ASAP1: variants seen among roughly 807,000 people sequenced by gnomAD.
The protein encoded by ASAP1 is arf-GAP with SH3 domain, ANK repeat and PH domain-containing protein 1.
In ASAP1, 43 loss-of-function variants were observed where a neutral mutation model predicts 145.2. The observed-to-expected ratio is 0.30, with a 90% CI of 0.23 to 0.38. The LOEUF is 0.38. Ranked by LOEUF, ASAP1 falls within the 10% of genes least tolerant of loss-of-function variation. The pLI is 1.00. For missense variants in ASAP1, 1,018 were observed against 1,355.3 expected, an observed-to-expected ratio of 0.75 and a Z score of 3.91; for synonymous variants, 546 against 515.5, an observed-to-expected ratio of 1.06 and a Z score of -0.80.
At chr8:130,153,359 G>GTATATATATATATATATATATATGTATA (rs2097651386) in intron 12 of ASAP1, among the ~76,000 whole-genome samples, 20 of 28,922 alleles carry the variant, frequency 6.9e-4, no homozygotes, top group Non-Finnish European at 1.4e-3. Context: ...ATATATATAT[G>GTATATATATATATATATATATATGTATA]TATATATATA....
chr8:130,357,766 T>C (rs1303881902), intron 3 of ASAP1, among the ~76,000 whole-genome samples: 1 of 152,198 alleles, frequency 6.6e-6, no homozygotes, highest in African/African-American at 2.4e-5. Flanking sequence ...CTGTCCTCCC[T>C]GGAGTGTCCA....
At chr8:130,089,689 A>C (rs1401971457) in intron 25 of ASAP1, among the ~76,000 whole-genome samples, 2 of 152,212 alleles carry the variant, frequency 1.3e-5, no homozygotes, top group Non-Finnish European at 2.9e-5. Flanking sequence ...AAGCACTAGG[A>C]GCAGAGCAAC....
At chr8:130,118,386 C>A in intron 19 of ASAP1, 103 bp downstream of exon 19, 2 of 1,376,222 alleles carry the variant, frequency 1.5e-6, no homozygotes, top group South Asian at 2.7e-5. Flanking sequence ...CATGGCCACC[C>A]AATGTATAAG....
At chr8:130,214,947 CT>C (rs1816805971) in intron 4 of ASAP1, among the ~76,000 whole-genome samples, 1 of 152,018 alleles carries the variant, frequency 6.6e-6, no homozygotes, top group African/African-American at 2.4e-5. Flanking sequence ...GTCTCCCAGG[CT>C]GGAGTGCAAT....
chr8:130,230,114 C>T (rs547030730), intron 4 of ASAP1, among the ~76,000 whole-genome samples: 3 of 152,150 alleles, frequency 2.0e-5, no homozygotes, highest in African/African-American at 7.2e-5. Flanking sequence ...ACACCAACCC[C>T]AAACTAGCGG....
intron 3 of ASAP1, among the ~76,000 whole-genome samples, chr8:130,300,173 G>GAGAGAGAGAGAC (rs1822565336): frequency 6.8e-6 from 1 of 147,968 alleles, no homozygotes; most frequent in Admixed American, 6.7e-5. Flanking sequence ...GAGAGAGAGA[G>GAGAGAGAGAGAC]AGAGAGAGAG....
chr8:130,386,652 C>T (rs920494890), intron 2 of ASAP1: 1 of 152,252 alleles, frequency 6.6e-6, no homozygotes, highest in African/African-American at 2.4e-5. Context: ...TCTGCAGAAA[C>T]AGTTAGAAGC....
intron 11 of ASAP1, chr8:130,160,744 A>T: frequency 8.2e-7 from 1 of 1,221,880 alleles, no homozygotes; most frequent in Non-Finnish European, 1.1e-6. Context: ...CTTTAGACAT[A>T]CAAGTAGGAC....
chr8:130,217,254 T>C (rs1816984069), intron 4 of ASAP1, among the ~76,000 whole-genome samples: 1 of 152,168 alleles, frequency 6.6e-6, no homozygotes, highest in African/African-American at 2.4e-5. Flanking sequence ...ATGCATAGTA[T>C]TTACATAATG....
intron 1 of ASAP1, among the ~76,000 whole-genome samples, chr8:130,442,981 T>C (rs1042355100): frequency 6.6e-6 from 1 of 152,104 alleles, no homozygotes; most frequent in Admixed American, 6.5e-5. Context: ...TTTAGGCAAG[T>C]GGCCTGGGGC....
intron 1 of ASAP1, among the ~76,000 whole-genome samples, chr8:130,407,832 T>C (rs1167804425): frequency 2.0e-5 from 3 of 152,216 alleles, no homozygotes; most frequent in African/African-American, 7.2e-5. Flanking sequence ...TCCACGAATG[T>C]TGGGATTTGT....
chr8:130,340,887 A>G (rs548715567), intron 3 of ASAP1: 49 of 456,158 alleles, frequency 1.1e-4, no homozygotes, highest in African/African-American at 6.0e-4. Flanking sequence ...GAGGCTGACC[A>G]ATCATTGCGA....
At chr8:130,245,928 T>C (rs1175338597) in intron 3 of ASAP1, among the ~76,000 whole-genome samples, 1 of 152,168 alleles carries the variant, frequency 6.6e-6, no homozygotes, top group Non-Finnish European at 1.5e-5. Flanking sequence ...AAATATTCAC[T>C]ATCTAATCGC....
At chr8:130,280,802 T>G (rs1821201852) in intron 3 of ASAP1, among the ~76,000 whole-genome samples, 1 of 152,208 alleles carries the variant, frequency 6.6e-6, no homozygotes, top group East Asian at 1.9e-4. Flanking sequence ...CAGTTTTTAT[T>G]GAAATTTAAA....
intron 3 of ASAP1, among the ~76,000 whole-genome samples, chr8:130,284,842 T>TAC (rs34799517): frequency 0.095 from 13,387 of 141,482 alleles, 864 homozygotes; most frequent in African/African-American, 0.19. Context: ...TTTTACACTC[T>TAC]ACACACACAC....
At chr8:130,409,503 A>AGC (rs892166531) in intron 1 of ASAP1, among the ~76,000 whole-genome samples, 4 of 152,088 alleles carry the variant, frequency 2.6e-5, no homozygotes, top group African/African-American at 4.8e-5. Context: ...CTCCCTGGCC[A>AGC]GCATGCATGT....
chr8:130,428,430 T>C (rs368757728), intron 1 of ASAP1, among the ~76,000 whole-genome samples: 3 of 104,828 alleles, frequency 2.9e-5, no homozygotes, highest in Admixed American at 9.6e-5. Flanking sequence ...ACCATCATCA[T>C]CATCACCACC....
chr8:130,142,429 AAG>A (rs1307821263), intron 13 of ASAP1, among the ~76,000 whole-genome samples: 17 of 152,228 alleles, frequency 1.1e-4, no homozygotes, highest in African/African-American at 4.1e-4. Flanking sequence ...AATTGGGGAA[AAG>A]AGAAATTTTA....
chr8:130,144,345 T>A (rs2097621717), intron 13 of ASAP1, among the ~76,000 whole-genome samples: 1 of 152,216 alleles, frequency 6.6e-6, no homozygotes, highest in Admixed American at 6.5e-5. Flanking sequence ...ATGAATTCTA[T>A]TATTTAATTT....
Sources: gnomAD v4.1 joint callset for allele counts (sites outside exome capture counted in the v4.1 genomes callset) on GRCh38, gnomAD v4.1.1 for gene constraint, MANE v1.5 for transcripts, NCBI Gene and HGNC (gene_info 2026-07-23, HGNC 2026-07-21) for gene names.